SLK: variants seen among roughly 807,000 people sequenced by gnomAD.
SLK encodes STE20-like serine/threonine-protein kinase.
Under a neutral mutation model 147.7 loss-of-function variants are expected in SLK, and 67 were observed. The ratio of observed to expected loss-of-function variants is 0.45; its 90% CI spans 0.37 to 0.56. SLK has a LOEUF of 0.56. SLK is among the 20% of genes least tolerant of loss of function. SLK has a pLI of 0.00. For synonymous variants in SLK, 441 were observed against 475.0 expected (o/e 0.93, Z 0.93); for missense variants, 1,136 against 1,438.8 (o/e 0.79, Z 3.41).
chr10:103,969,384 T>C (rs1843763877), intron 1 of SLK, among the ~76,000 whole-genome samples: 1 of 152,260 alleles, frequency 6.6e-6, no homozygotes, highest in Non-Finnish European at 1.5e-5. Context: ...CCTCTCTGTG[T>C]GCTTTCAGAA....
At chr10:104,008,495 A>G (rs1747674) in intron 12 of SLK, 139 bp downstream of exon 12, 118,323 of 631,934 alleles carry the variant, frequency 0.19, 12,484 homozygotes, top group African/African-American at 0.36. Flanking sequence ...GGTCTTCTCA[A>G]CAGTCATATA....
chr10:103,995,852 A>G (rs1844164183), intron 4 of SLK, among the ~76,000 whole-genome samples: 1 of 152,202 alleles, frequency 6.6e-6, no homozygotes, highest in South Asian at 2.1e-4. Context: ...TTTTCAAAGG[A>G]CAGAGCTAGA....
chr10:103,990,774 G>T lies in SLK; in HGVS notation c.250G>T (p.Ala84Ser). The change falls in exon 2 of 19, where the codon GCA (alanine) becomes TCA (serine). Residue 84 changes from alanine to serine, a missense_variant. This residue lies in a region of SLK where 126 missense variants were observed against 141.3 expected (regional missense o/e 0.89). Coordinates refer to ENST00000369755, the MANE Select transcript of SLK (RefSeq NM_014720.4). ...TTACATGGTAGAGATTGACATATTA[G>T]CATCTTGTGATCACCCAAATATAGT... is the stretch of plus-strand genomic sequence containing the variant. ...EDYMVEIDIL[A>S]SCDHPNIVKL... The T allele has an allele frequency of 6.4e-7, 1 of 1,567,000 alleles. No homozygotes were observed. Among genetic ancestry groups the T allele is most frequent in the Non-Finnish European group, 8.6e-7 (1 of 1,160,566 alleles).
chr10:103,972,201 A>T (rs1843801514), intron 1 of SLK, among the ~76,000 whole-genome samples: 1 of 152,244 alleles, frequency 6.6e-6, no homozygotes, highest in African/African-American at 2.4e-5. Context: ...ATTAATGGAT[A>T]TATTGGTTGC....
chr10:104,000,945 G>C (rs1042912849), intron 7 of SLK, among the ~76,000 whole-genome samples: 3 of 150,682 alleles, frequency 2.0e-5, no homozygotes, highest in African/African-American at 7.3e-5. Flanking sequence ...TGTAATCTTA[G>C]CTACTCGGGA....
At chr10:103,993,893 T>G (rs1270785490) in intron 4 of SLK, among the ~76,000 whole-genome samples, 2 of 152,126 alleles carry the variant, frequency 1.3e-5, no homozygotes, top group African/African-American at 4.8e-5. Context: ...GTACTAAATT[T>G]TATTCTTTTT....
chr10:104,001,695 G>A (rs536706975), intron 8 of SLK, 123 bp downstream of exon 8: 15 of 1,026,134 alleles, frequency 1.5e-5, no homozygotes, highest in Non-Finnish European at 2.0e-5. Context: ...CTGAAGATTA[G>A]TAGCAAGGTT....
At position 104,005,518 on chromosome 10, in the gene SLK, G is replaced by C; in HGVS notation, c.2350-43G>C. 3 of 1,551,686 alleles carry C rather than the reference G, an allele frequency of 1.9e-6. No individual in the cohort carries two copies. In the South Asian group the frequency reaches 3.6e-5, roughly 19 times the overall value. ...AAGAAGAAAATGTTTTCTACCTCCA[G>C]TATTCCTTGTACAAAGCCTAACTAA... is the stretch of plus-strand genomic sequence containing the variant. On this transcript the variant is annotated intron_variant, in intron 9 of 18. Coordinates refer to ENST00000369755, the MANE Select transcript of SLK (RefSeq NM_014720.4).
chr10:104,013,586 T>G (rs968140433), intron 13 of SLK, among the ~76,000 whole-genome samples: 3 of 152,228 alleles, frequency 2.0e-5, no homozygotes, highest in Non-Finnish European at 4.4e-5. Flanking sequence ...AAAAAGTCAT[T>G]CAGATATATT....
intron 13 of SLK, among the ~76,000 whole-genome samples, chr10:104,017,635 A>G (rs143103669): frequency 0.013 from 1,962 of 152,218 alleles, 40 homozygotes; most frequent in African/African-American, 0.045. Flanking sequence ...ACCCGCTACC[A>G]CATCTGGCTA....
At chr10:103,989,000 G>GC (rs1034504193) in intron 1 of SLK, among the ~76,000 whole-genome samples, 1 of 152,134 alleles carries the variant, frequency 6.6e-6, no homozygotes, top group Non-Finnish European at 1.5e-5. Context: ...TGTATATGAA[G>GC]CCCTTAGCAC....
intron 1 of SLK, among the ~76,000 whole-genome samples, chr10:103,984,415 C>T (rs1380111878): frequency 1.3e-5 from 2 of 152,010 alleles, no homozygotes; most frequent in African/African-American, 4.8e-5. Context: ...ATTTCCTCAT[C>T]TTATTTTATG....
chr10:104,001,415 TTGAG>T (rs762975043), intron 7 of SLK, 25 bp from the exon 8 acceptor site: 16 of 1,585,460 alleles, frequency 1.0e-5, no homozygotes, highest in Non-Finnish European at 1.1e-5. Flanking sequence ...ATTCCAGTTG[TTGAG>T]TATGTTCTTT....
intron 1 of SLK, among the ~76,000 whole-genome samples, chr10:103,979,533 T>C (rs1029020626): frequency 6.6e-6 from 1 of 152,252 alleles, no homozygotes; most frequent in Non-Finnish European, 1.5e-5. Context: ...ATTTTGGATC[T>C]TTAAATTAAC....
At chr10:104,009,723 A>G (rs1463672994) in intron 12 of SLK, among the ~76,000 whole-genome samples, 1 of 152,074 alleles carries the variant, frequency 6.6e-6, no homozygotes, top group East Asian at 1.9e-4. Context: ...GGGGTAGGAG[A>G]GTTTCAGCCA....
intron 9 of SLK, among the ~76,000 whole-genome samples, chr10:104,004,623 C>T (rs1479050463): frequency 6.6e-6 from 1 of 152,024 alleles, no homozygotes; most frequent in African/African-American, 2.4e-5. Flanking sequence ...GGAGAGGATG[C>T]AGAAAGGTGA....
chr10:104,001,635 C>T (rs1844249685), intron 8 of SLK, 63 bp downstream of exon 8: 2 of 1,579,038 alleles, frequency 1.3e-6, no homozygotes, highest in Admixed American at 3.5e-5. Flanking sequence ...TGTAGTTGCT[C>T]CTGTATCTAA....
At chr10:104,014,244 G>A (rs919953042) in intron 13 of SLK, among the ~76,000 whole-genome samples, 2 of 152,206 alleles carry the variant, frequency 1.3e-5, no homozygotes, top group African/African-American at 4.8e-5. Context: ...GTTAAAAGTA[G>A]TGATTTTCAT....
chr10:103,998,951 CT>C lies in SLK; in HGVS notation c.570del (p.Phe190LeufsTer12). 1 of 1,610,318 alleles carries C rather than the reference CT, an allele frequency of 6.2e-7. No individual in the cohort carries two copies. Among genetic ancestry groups the C allele is most frequent in the Non-Finnish European group, 8.5e-7 (1 of 1,176,912 alleles). On this transcript the variant is annotated frameshift_variant, in exon 5 of 19. Transcript: ENST00000369755. LOFTEE classifies it high-confidence loss of function. ...NTRTIQRRDSFIGTPYWMAPE... is the reference protein window; with the variant it reads ...NTRTIQRRDSXIGTPYWMAPE... ...CGAGGACAATTCAAAGAAGAGATTC[CT>C]TTATTGGTACACCATATTGGTATGT... is the stretch of plus-strand genomic sequence containing the variant.
Sources: allele counts gnomAD v4.1 joint callset (sites outside exome capture counted in the v4.1 genomes callset), GRCh38; gene constraint gnomAD v4.1.1; regional missense constraint gnomAD v4.1.1; transcripts MANE v1.5; gene names NCBI Gene and HGNC (gene_info 2026-07-23, HGNC 2026-07-21).